USP43: variants seen among roughly 807,000 people sequenced by gnomAD.
The protein encoded by USP43 is ubiquitin carboxyl-terminal hydrolase 43.
A neutral mutation model predicts 90.7 loss-of-function variants in USP43; 33 were observed. The observed-to-expected ratio is 0.36, with a 90% CI of 0.28 to 0.49. The LOEUF (loss-of-function observed/expected upper bound fraction) is 0.49, where lower values mean the gene tolerates loss of function less well. Among genes scored for constraint, USP43 ranks in the 20% least tolerant of loss-of-function variants. The pLI, the probability that USP43 is intolerant of heterozygous loss-of-function variation, is 0.98. For synonymous variants in USP43, 598 were observed against 615.8 expected (o/e 0.97, Z 0.43); for missense variants, 1,274 against 1,476.4 (o/e 0.86, Z 2.25).
chr17:9,724,041 A>C (rs912627871), intron 14 of USP43, among the ~76,000 whole-genome samples: 2 of 152,012 alleles, frequency 1.3e-5, no homozygotes, highest in African/African-American at 4.8e-5. Context: ...GCCTGCTCTG[A>C]TGGTTCTGGT....
chr17:9,711,851 C>G (rs1916213900), intron 13 of USP43, 117 bp from the exon 14 acceptor site: 2 of 1,208,892 alleles, frequency 1.7e-6, no homozygotes, highest in Non-Finnish European at 2.2e-6. Flanking sequence ...TGTTCTGGTT[C>G]TGTAGTTCTG....
At chr17:9,672,891 C>G (rs758135890) in intron 3 of USP43, among the ~76,000 whole-genome samples, 121 of 152,180 alleles carry the variant, frequency 8.0e-4, no homozygotes, top group Non-Finnish European at 1.2e-3. Flanking sequence ...TGTTTATGTT[C>G]CTGTTTGTCC....
At chr17:9,715,396 T>G (rs1451588989) in intron 14 of USP43, among the ~76,000 whole-genome samples, 2 of 152,162 alleles carry the variant, frequency 1.3e-5, no homozygotes, top group African/African-American at 4.8e-5. Flanking sequence ...AGGGCTGCAG[T>G]GAGCTGTGAG....
intron 9 of USP43, among the ~76,000 whole-genome samples, chr17:9,697,133 C>A (rs1489926518): frequency 6.6e-6 from 1 of 152,170 alleles, no homozygotes; most frequent in Non-Finnish European, 1.5e-5. Flanking sequence ...AGGAGAATCG[C>A]TTGAACCCAG....
chr17:9,649,881 TAATTAAGTCTTTAAC>T (rs943299186), intron 1 of USP43, among the ~76,000 whole-genome samples: 3 of 152,132 alleles, frequency 2.0e-5, no homozygotes, highest in African/African-American at 7.2e-5. Flanking sequence ...CAATCATTAA[TAATTAAGTCTTTAAC>T]AATTAATATA....
chr17:9,645,710 C>T lies in USP43; in HGVS notation c.78C>T (p.Arg26=), dbSNP rs1911331146. 1 of 1,333,312 alleles carries T rather than the reference C, an allele frequency of 7.5e-7. No individual in the cohort carries two copies. The highest frequency in any genetic ancestry group is 2.8e-4 in the Middle Eastern group (1 of 3,516). 82.6% of individuals were successfully genotyped at this position (1,333,312 alleles called of 1,614,324 possible). ...PRPRRRRSLR[R]LFSRFLLALG... Reference sequence around the variant, plus strand: ...CCCGCCGCCGCCGCTCCCTGCGCCGCCTGTTCAGCCGCTTCCTGCTGGCGC... The same window carrying T: ...CCCGCCGCCGCCGCTCCCTGCGCCGTCTGTTCAGCCGCTTCCTGCTGGCGC... Residue 26 remains arginine (R), a synonymous_variant, in exon 1 of 15, where the codon CGC becomes CGT. Transcript: ENST00000285199. The surrounding 1 kb of genome is among the most constrained non-coding windows in gnomAD (Gnocchi z 6.8).
At position 9,693,239 on chromosome 17, in the gene USP43, G is replaced by A; in HGVS notation, c.1457+9G>A. 2 of 1,607,016 alleles carry A rather than the reference G, an allele frequency of 1.2e-6. No individual in the cohort carries two copies. The highest frequency in any genetic ancestry group is 1.7e-6 in the Non-Finnish European group (2 of 1,175,804). ...CACTGGGCAGTTGACAGGTAAGGGG[G>A]AAGGTCCAGGTTCAGTCAGCTAATG... On this transcript the variant is annotated intron_variant, in intron 9 of 14. Coordinates refer to ENST00000285199, the MANE Select transcript of USP43 (RefSeq NM_153210.5).
intron 5 of USP43, among the ~76,000 whole-genome samples, chr17:9,679,006 G>T (rs756617663): frequency 6.6e-6 from 1 of 151,978 alleles, no homozygotes; most frequent in African/African-American, 2.4e-5. Flanking sequence ...TTTTGATTTA[G>T]ATATTATTGT....
chr17:9,676,669 G>A lies in USP43; in HGVS notation c.834-77G>A, dbSNP rs571152378. 5.2e-5 allele frequency: 79 copies of A among 1,527,790 alleles called. No individual in the cohort carries two copies. The South Asian group carries it at 9.9e-4, about 19-fold the overall frequency. The allele number at this position is 1,527,790 out of a possible 1,614,324, so 94.6% of individuals were successfully genotyped here. A position where few individuals can be genotyped will look rare whatever the true frequency, so the allele number is the denominator to read the frequency against. On this transcript the variant is annotated intron_variant, in intron 4 of 14. Transcript: ENST00000285199. ...TTACAGGTGTGAGCCACTGCGCCTG[G>A]CCTTGATCCATTATCAACAATGTCA...
intron 5 of USP43, 143 bp from the exon 6 acceptor site, chr17:9,680,088 T>C: frequency 2.8e-6 from 2 of 712,906 alleles, no homozygotes; most frequent in South Asian, 4.3e-5. Flanking sequence ...TTGTATCTAC[T>C]ATGCTGCCTT....
intron 3 of USP43, among the ~76,000 whole-genome samples, chr17:9,667,801 C>T (rs542872312): frequency 3.3e-5 from 5 of 152,084 alleles, no homozygotes; most frequent in East Asian, 1.9e-4. Flanking sequence ...TGTGCGTGCA[C>T]GTGTGCGCGT....
chr17:9,667,495 A>C (rs143464559), intron 3 of USP43, among the ~76,000 whole-genome samples: 586 of 152,374 alleles, frequency 3.8e-3, no homozygotes, highest in African/African-American at 0.013. Flanking sequence ...GTGAAAGTGC[A>C]GAGATTCATA....
chr17:9,653,422 T>C (rs1912012507), intron 1 of USP43, among the ~76,000 whole-genome samples: 1 of 152,066 alleles, frequency 6.6e-6, no homozygotes, highest in Non-Finnish European at 1.5e-5. Context: ...ACCCCATCTT[T>C]ACTAAAAATT....
chr17:9,646,993 G>A (rs547127962), intron 1 of USP43: 1 of 150,904 alleles, frequency 6.6e-6, no homozygotes, highest in African/African-American at 2.4e-5. Flanking sequence ...ATTAAAACGG[G>A]GTGTTTGTTT....
chr17:9,683,710 A>G (rs1028623543), intron 7 of USP43, among the ~76,000 whole-genome samples: 7 of 152,200 alleles, frequency 4.6e-5, no homozygotes, highest in African/African-American at 1.4e-4. Flanking sequence ...TAATTTCAGA[A>G]TTATGGTATA....
chr17:9,664,294 A>G (rs992501460), intron 2 of USP43, among the ~76,000 whole-genome samples: 1 of 152,114 alleles, frequency 6.6e-6, no homozygotes, highest in Non-Finnish European at 1.5e-5. Context: ...CATTACTCAT[A>G]TCTTTTTTTC....
chr17:9,678,095 G>T (rs934277718), intron 5 of USP43, among the ~76,000 whole-genome samples: 7 of 152,174 alleles, frequency 4.6e-5, no homozygotes, highest in Non-Finnish European at 5.9e-5. Flanking sequence ...GGGAGAAAGT[G>T]ACAGTAAGAA....
intron 14 of USP43, among the ~76,000 whole-genome samples, chr17:9,717,692 G>T (rs1200765413): frequency 6.6e-6 from 1 of 150,928 alleles, no homozygotes. Flanking sequence ...CCTGAAATGG[G>T]AGGGGGGCCT....
intron 14 of USP43, among the ~76,000 whole-genome samples, chr17:9,726,158 C>A (rs1341913197): frequency 6.6e-6 from 1 of 152,144 alleles, no homozygotes; most frequent in African/African-American, 2.4e-5. Flanking sequence ...TCTTCCTGCT[C>A]CAGCCATTTC....
Sources: gnomAD v4.1 joint callset for allele counts (sites outside exome capture counted in the v4.1 genomes callset) on GRCh38, gnomAD v4.1.1 for gene constraint, Gnocchi (gnomAD v3.1) non-coding constraint, MANE v1.5 for transcripts, NCBI Gene and HGNC (gene_info 2026-07-23, HGNC 2026-07-21) for gene names.